ADCY2: variants seen among roughly 807,000 people sequenced by gnomAD.
ADCY2 encodes the protein adenylate cyclase type 2.
Under a neutral mutation model 125.2 loss-of-function variants are expected in ADCY2, and 31 were observed. The observed-to-expected ratio is 0.25, with a 90% CI of 0.19 to 0.33. The LOEUF is 0.33. Ranked by LOEUF, ADCY2 falls within the 10% of genes least tolerant of loss-of-function variation. ADCY2 has a pLI of 1.00. For synonymous variants in ADCY2, 512 were observed against 548.4 expected (o/e 0.93, Z 0.93); for missense variants, 904 against 1,418.2 (o/e 0.64, Z 5.82).
intron 3 of ADCY2, among the ~76,000 whole-genome samples, chr5:7,570,081 G>T (rs1435940184): frequency 6.6e-6 from 1 of 152,070 alleles, no homozygotes. Context: ...CACTATAAGT[G>T]TAACCCTATG....
At chr5:7,811,393 C>T (rs559824172) in intron 22 of ADCY2, among the ~76,000 whole-genome samples, 10 of 151,622 alleles carry the variant, frequency 6.6e-5, no homozygotes, top group South Asian at 2.1e-4. Context: ...CCCAGCTACT[C>T]GGGAGGCTGA....
intron 2 of ADCY2, among the ~76,000 whole-genome samples, chr5:7,430,267 T>C (rs1740538848): frequency 6.6e-6 from 1 of 151,978 alleles, no homozygotes; most frequent in African/African-American, 2.4e-5. Context: ...TGGTGAATTA[T>C]ACCAAAGTTT....
chr5:7,433,707 A>G (rs1161582748), intron 2 of ADCY2, among the ~76,000 whole-genome samples: 2 of 152,168 alleles, frequency 1.3e-5, no homozygotes, highest in East Asian at 3.9e-4. Context: ...ATTGAATTGT[A>G]TTGTATTGGC....
chr5:7,518,152 A>G (rs1744317174), intron 2 of ADCY2, among the ~76,000 whole-genome samples: 1 of 152,216 alleles, frequency 6.6e-6, no homozygotes, highest in African/African-American at 2.4e-5. Flanking sequence ...CTGATAGCTC[A>G]GTGGTTCTCA....
chr5:7,626,137 C>G (rs1205215654), intron 3 of ADCY2, 30 bp from the exon 4 acceptor site: 2 of 1,596,012 alleles, frequency 1.3e-6, no homozygotes, highest in Admixed American at 3.6e-5. Context: ...AAACAGTTAC[C>G]CTATTGAGCA....
chr5:7,482,607 C>A (rs1394587169), intron 2 of ADCY2, among the ~76,000 whole-genome samples: 1 of 151,894 alleles, frequency 6.6e-6, no homozygotes, highest in African/African-American at 2.4e-5. Flanking sequence ...AACTACCATA[C>A]AATCTAACAA....
chr5:7,763,058 TGTTTG>T (rs1221791014), intron 16 of ADCY2, among the ~76,000 whole-genome samples: 3 of 149,506 alleles, frequency 2.0e-5, no homozygotes, highest in African/African-American at 7.3e-5. Flanking sequence ...TTTTTTTGTT[TGTTTG>T]TTTGTTTGTT....
At position 7,414,586 on chromosome 5, in the gene ADCY2, A is replaced by G; in HGVS notation, c.224A>G (p.His75Arg). The change falls in exon 2 of 25, where the codon CAT (histidine) becomes CGT (arginine). Residue 75 changes from histidine (H) to arginine (R), a missense_variant. Around this residue, in one of 7 missense-constraint regions of ADCY2, gnomAD observed 113 missense variants for 108.0 expected, o/e 1.05. Transcript: ENST00000338316. Reference protein sequence around the residue: ...FFALGLEVEDHVAFLITVPTA... With the variant: ...FFALGLEVEDRVAFLITVPTA... ...TTATCTCCTCAGGAAGTTGAAGACC[A>G]TGTGGCGTTTCTAATAACAGTTCCA... 6.2e-7 allele frequency: 1 copy of G among 1,611,726 alleles called. No individual in the cohort carries two copies.
chr5:7,819,303 G>A (rs1745221419), intron 23 of ADCY2, among the ~76,000 whole-genome samples: 1 of 152,112 alleles, frequency 6.6e-6, no homozygotes, highest in African/African-American at 2.4e-5. Context: ...TTGACATTTA[G>A]TATTAACTAT....
chr5:7,483,113 T>C (rs10070555), intron 2 of ADCY2, among the ~76,000 whole-genome samples: 7,609 of 152,164 alleles, frequency 0.05, 280 homozygotes, highest in African/African-American at 0.096. Context: ...ACAGTAGCGT[T>C]ACTGTAGTTA....
intron 3 of ADCY2, among the ~76,000 whole-genome samples, chr5:7,610,353 G>T (rs564930823): frequency 1.1e-4 from 17 of 152,284 alleles, no homozygotes; most frequent in Admixed American, 1.0e-3. Flanking sequence ...GCTGAGGCAG[G>T]CTGGGATTCT....
At chr5:7,778,545 G>A (rs762372811) in intron 18 of ADCY2, among the ~76,000 whole-genome samples, 5 of 152,208 alleles carry the variant, frequency 3.3e-5, no homozygotes, top group East Asian at 3.9e-4. Context: ...GCTCTAGATT[G>A]CAACTGGCTG....
chr5:7,416,107 C>A (rs73044508), intron 2 of ADCY2, among the ~76,000 whole-genome samples: 2,012 of 152,248 alleles, frequency 0.013, 55 homozygotes, highest in African/African-American at 0.047. Context: ...TGTCAAGGGA[C>A]AGAATACTGT....
chr5:7,456,441 T>G (rs1258472454), intron 2 of ADCY2, among the ~76,000 whole-genome samples: 1 of 152,182 alleles, frequency 6.6e-6, no homozygotes, highest in Admixed American at 6.5e-5. Context: ...CAAATATATT[T>G]AAGTTACTGA....
At chr5:7,824,258 G>A (rs1031983116) in intron 24 of ADCY2, among the ~76,000 whole-genome samples, 1 of 152,174 alleles carries the variant, frequency 6.6e-6, no homozygotes, top group Admixed American at 6.5e-5. Context: ...AGCATAGCAA[G>A]CCCACTCAGC....
intron 12 of ADCY2, among the ~76,000 whole-genome samples, chr5:7,721,497 C>T (rs893510564): frequency 1.3e-4 from 20 of 152,154 alleles, no homozygotes; most frequent in African/African-American, 4.8e-4. Context: ...AATGGTATTG[C>T]CTAGGTTTTC....
intron 1 of ADCY2, among the ~76,000 whole-genome samples, chr5:7,413,460 A>ATT (rs556822915): frequency 1.9e-4 from 28 of 147,782 alleles, no homozygotes; most frequent in Middle Eastern, 7.0e-3. Flanking sequence ...CGCGCGGCTA[A>ATT]TTTTTTTTTT....
intron 5 of ADCY2, among the ~76,000 whole-genome samples, chr5:7,694,345 A>T (rs758201543): frequency 3.3e-5 from 5 of 152,174 alleles, no homozygotes; most frequent in Admixed American, 6.5e-5. Context: ...GATCACGGAC[A>T]CTTACATTGT....
chr5:7,640,597 A>G (rs1202781630), intron 4 of ADCY2, among the ~76,000 whole-genome samples: 1 of 152,220 alleles, frequency 6.6e-6, no homozygotes, highest in African/African-American at 2.4e-5. Flanking sequence ...ATATGTTTTC[A>G]TGAAAAATGG....
Sources: gnomAD v4.1 joint callset for allele counts (sites outside exome capture counted in the v4.1 genomes callset) on GRCh38, gnomAD v4.1.1 for gene constraint, gnomAD v4.1.1 regional missense constraint, MANE v1.5 for transcripts, NCBI Gene and HGNC (gene_info 2026-07-23, HGNC 2026-07-21) for gene names.